Variants in KLC4 observed in about 807,000 individuals in gnomAD.
KLC4 encodes the protein kinesin-like protein 8.
In KLC4, 49 loss-of-function variants were observed where a neutral mutation model predicts 77.2. The observed-to-expected ratio is 0.63, with a 90% confidence interval of 0.50 to 0.80. KLC4 has a LOEUF of 0.80. Ranked by LOEUF, KLC4 falls within the 30% of genes least tolerant of loss-of-function variation. The pLI is 0.00. For missense variants in KLC4, 669 were observed against 793.5 expected, an observed-to-expected ratio of 0.84 and a Z score of 1.89; for synonymous variants, 274 against 314.5, an observed-to-expected ratio of 0.87 and a Z score of 1.36.
intron 1 of KLC4, chr6:43,060,406 A>G: frequency 2.5e-6 from 2 of 800,592 alleles, no homozygotes; most frequent in Non-Finnish European, 3.6e-6. Context: ...CTGTGGGCAG[A>G]GGGAGGGAGG....
intron 6 of KLC4, among the ~76,000 whole-genome samples, chr6:43,067,567 G>A (rs1051298929): frequency 1.3e-5 from 2 of 152,078 alleles, no homozygotes; most frequent in Non-Finnish European, 2.9e-5. Flanking sequence ...GGCTGAGGAG[G>A]GTGGATCACG....
chr6:43,074,274 T>G, intron 15 of KLC4: 1 of 455,026 alleles, frequency 2.2e-6, no homozygotes, highest in Non-Finnish European at 3.9e-6. Flanking sequence ...TTTTTCATCC[T>G]GCAGCCGCCT....
chr6:43,065,525 C>T (rs1765375085), intron 3 of KLC4, 95 bp from the exon 4 acceptor site: 1 of 807,090 alleles, frequency 1.2e-6, no homozygotes, highest in Non-Finnish European at 2.1e-6. Flanking sequence ...TCTCCTAGGT[C>T]CCATCTGTCT....
Position 43,071,611 on chromosome 6 carries a change from A to G in KLC4, c.1300A>G (p.Met434Val), listed in dbSNP as rs921352762. 6.2e-6 allele frequency: 10 copies of G among 1,613,450 alleles called. No individual in the cohort carries two copies. The highest frequency in any genetic ancestry group is 7.6e-6 in the Non-Finnish European group (9 of 1,179,890). Residue 434 changes from methionine to valine, a missense_variant, in exon 10 of 16, where the codon ATG (methionine) becomes GTG (valine). Coordinates refer to ENST00000347162, the MANE Select transcript of KLC4 (RefSeq NM_201521.3). Reference protein sequence around the residue: ...IWMHAEEREEMSKSRHHEGGT... With the variant: ...IWMHAEEREEVSKSRHHEGGT... ...GATGCATGCAGAGGAGCGGGAGGAA[A>G]TGAGCAAAGTGAGTGGGGGGAAGGG...
At chr6:43,069,613 C>T (rs1464411814) in intron 6 of KLC4, among the ~76,000 whole-genome samples, 1 of 152,098 alleles carries the variant, frequency 6.6e-6, no homozygotes, top group African/African-American at 2.4e-5. Flanking sequence ...CAACATGGCA[C>T]GATCTTGGCT....
intron 3 of KLC4, among the ~76,000 whole-genome samples, chr6:43,063,479 T>C (rs1765265235): frequency 6.6e-6 from 1 of 152,188 alleles, no homozygotes; most frequent in African/African-American, 2.4e-5. Flanking sequence ...AATCCAGAAT[T>C]CTACGTGGTA....
chr6:43,065,178 G>A (rs969280771), intron 3 of KLC4, among the ~76,000 whole-genome samples: 1 of 152,002 alleles, frequency 6.6e-6, no homozygotes, highest in Non-Finnish European at 1.5e-5. Context: ...AGGTTCAAGC[G>A]ATTCTCCTGC....
At chr6:43,069,267 T>C (rs73436425) in intron 6 of KLC4, among the ~76,000 whole-genome samples, 38,188 of 152,106 alleles carry the variant, frequency 0.25, 6,981 homozygotes, top group African/African-American at 0.52. Context: ...TTTTTTGAGA[T>C]GGAGTTTCGC....
chr6:43,059,931 T>C, intron 1 of KLC4: 3 of 1,282,512 alleles, frequency 2.3e-6, no homozygotes, highest in Non-Finnish European at 3.0e-6. Context: ...ACGTCCTCGC[T>C]GGAGCTGCGG....
At chr6:43,070,097 A>G (rs935059802) in intron 6 of KLC4, among the ~76,000 whole-genome samples, 6 of 130,246 alleles carry the variant, frequency 4.6e-5, no homozygotes, top group African/African-American at 2.1e-4. Flanking sequence ...AACAACAACA[A>G]AAAAAAAAAA....
Position 43,067,101 on chromosome 6 carries a change from T to TGCCCCCCCCCCCCCCCCCCCC in KLC4, c.879+18_879+19insGCCCCCCCCCCCCCCCCCCCC. On this transcript the variant is annotated intron_variant, in intron 6 of 15. Coordinates refer to ENST00000347162, the MANE Select transcript of KLC4 (RefSeq NM_201521.3). ...ATCCTGCTGTCAGTATTCCTTGCCC[T>TGCCCCCCCCCCCCCCCCCCCC]CCCCACCCCACGCCCCGCACCCCCC... 1.9e-6 allele frequency: 3 copies of TGCCCCCCCCCCCCCCCCCCCC among 1,584,698 alleles called. No homozygotes were observed. Among genetic ancestry groups the TGCCCCCCCCCCCCCCCCCCCC allele is most frequent in the Non-Finnish European group, 1.7e-6 (2 of 1,155,622 alleles).
chr6:43,060,300 T>C (rs1261787834), intron 1 of KLC4: 6 of 1,612,908 alleles, frequency 3.7e-6, no homozygotes, highest in African/African-American at 1.3e-5. Context: ...TAAGTCTCTC[T>C]CTCTCATTCC....
At position 43,071,459 on chromosome 6, in the gene KLC4, CA is replaced by C. The variant is rs544618487; in HGVS notation, c.1255+86del. The C allele has an allele frequency of 4.8e-5, 74 of 1,541,160 alleles. No individual in the cohort carries two copies. In the African/African-American group the frequency reaches 8.0e-4, roughly 17 times the overall value. ...TCGGGGGTTAGGCCACAGCGGTTCCCAGGGGGAGCCAGACCCCTTCAGTCCA... is the reference window on the plus strand; with the variant it reads ...TCGGGGGTTAGGCCACAGCGGTTCCCGGGGGAGCCAGACCCCTTCAGTCCA... On this transcript the variant is annotated intron_variant, in intron 9 of 15. Transcript: ENST00000347162.
In KLC4 at chr6:43,059,662, G is replaced by A; in HGVS notation, c.-49G>A. 3 of 1,350,522 alleles carry A rather than the reference G, an allele frequency of 2.2e-6. No individual in the cohort carries two copies. Among genetic ancestry groups the A allele is most frequent in the Non-Finnish European group, 2.8e-6 (3 of 1,054,282 alleles). 83.7% of individuals were successfully genotyped at this position (1,350,522 alleles called of 1,614,324 possible). A position where few individuals can be genotyped will look rare whatever the true frequency, so the allele number is the denominator to read the frequency against. ...TTAAAGGGGCAGTACCGGCAAGAGCGGCAGCCACACCGGCAGATTGCAGGT... is the reference window on the plus strand; with the variant it reads ...TTAAAGGGGCAGTACCGGCAAGAGCAGCAGCCACACCGGCAGATTGCAGGT... On this transcript the variant is annotated 5_prime_UTR_variant, in exon 1 of 16. Coordinates refer to ENST00000347162, the MANE Select transcript of KLC4 (RefSeq NM_201521.3).
chr6:43,061,587 G>A lies in KLC4; in HGVS notation c.252G>A (p.Glu84=), dbSNP rs1298382268. The A allele has an allele frequency of 1.9e-6, 3 of 1,608,184 alleles. No individual in the cohort carries two copies. The highest frequency in any genetic ancestry group is 1.7e-6 in the Non-Finnish European group (2 of 1,175,702). Residue 84 remains glutamate, a synonymous_variant, in exon 2 of 16, where the codon GAG becomes GAA. Transcript: ENST00000347162. ...AAAACATTGAGCTCGGGCTGAGTGA[G>A]GCCCAGGTGAGAGGGCAAAGGTGGT... is the stretch of plus-strand genomic sequence containing the variant. ...SMENIELGLS[E]AQVMLALASH...
intron 6 of KLC4, among the ~76,000 whole-genome samples, chr6:43,067,749 C>CA (rs1765510951): frequency 7.1e-6 from 1 of 140,390 alleles, no homozygotes; most frequent in South Asian, 2.3e-4. Context: ...GAGCTGAGAT[C>CA]GTGCCATTGC....
At chr6:43,062,371 A>G (rs544421452) in intron 2 of KLC4, among the ~76,000 whole-genome samples, 107 of 152,262 alleles carry the variant, frequency 7.0e-4, no homozygotes, top group African/African-American at 2.4e-3. Flanking sequence ...CAGCCTCCCG[A>G]GTAGCTGGGA....
intron 1 of KLC4, chr6:43,059,992 T>A: frequency 1.9e-5 from 24 of 1,296,376 alleles, no homozygotes; most frequent in African/African-American, 4.6e-5. Flanking sequence ...CCCATCTCAC[T>A]CTCCCAACCC....
At chr6:43,060,990 T>C (rs1327393129) in intron 1 of KLC4, 2 of 309,132 alleles carry the variant, frequency 6.5e-6, no homozygotes, top group Admixed American at 4.7e-5. Flanking sequence ...ATCCCTTGAT[T>C]CCTTTTCCTA....
Sources: gnomAD v4.1 joint callset for allele counts (sites outside exome capture counted in the v4.1 genomes callset) on GRCh38, gnomAD v4.1.1 for gene constraint, MANE v1.5 for transcripts, NCBI Gene and HGNC (gene_info 2026-07-23, HGNC 2026-07-21) for gene names.